TTC7A: variants seen among roughly 807,000 people sequenced by gnomAD.
The protein encoded by TTC7A is tetratricopeptide repeat protein 7A.
TTC7A carries 110 observed loss-of-function variants against 103.7 expected under a neutral mutation model. That is an observed-to-expected ratio of 1.06 (90% CI 0.91 to 1.24). The LOEUF (loss-of-function observed/expected upper bound fraction) is 1.24, where lower values mean the gene tolerates loss of function less well. Among genes scored for constraint, TTC7A ranks in the 50% most tolerant of loss-of-function variants. The pLI, the probability that TTC7A is intolerant of heterozygous loss-of-function variation, is 0.00. For missense variants in TTC7A, 1,340 were observed against 1,116.3 expected, an observed-to-expected ratio of 1.20 and a Z score of -2.86; for synonymous variants, 521 against 467.9, an observed-to-expected ratio of 1.11 and a Z score of -1.47.
chr2:46,936,568 C>T (rs1463891435), upstream of TTC7A, among the ~76,000 whole-genome samples: 1 of 152,164 alleles, frequency 6.6e-6, no homozygotes, highest in Non-Finnish European at 1.5e-5. Flanking sequence ...GCTCACCATT[C>T]GCAGACTCTC....
At chr2:47,026,155 A>G (rs1679892576) in intron 14 of TTC7A, among the ~76,000 whole-genome samples, 1 of 152,156 alleles carries the variant, frequency 6.6e-6, no homozygotes, top group South Asian at 2.1e-4. Flanking sequence ...ATGGACTGTA[A>G]GCTAGAGTCC....
At chr2:47,039,553 A>C (rs1309093402) in intron 15 of TTC7A, among the ~76,000 whole-genome samples, 1 of 151,598 alleles carries the variant, frequency 6.6e-6, no homozygotes, top group South Asian at 2.1e-4. Flanking sequence ...CAAGATAACT[A>C]TTTTTTTTTA....
rs561302471 is a variant in TTC7A, at chr2:47,008,638, C to G, written c.1287+1914C>G. 1.2e-4 allele frequency among the ~76,000 whole-genome samples: 19 copies of G among 152,342 alleles called. 1 individual carries two copies. The South Asian group carries it at 3.7e-3, about 30-fold the overall frequency. On this transcript the variant is annotated intron_variant, in intron 10 of 19. Transcript: ENST00000319190. ...TGTTCTGGAAAGCATTCTCCACCCCCCTTGGGAACCCTGCCCACCAAATCA... is the reference window on the plus strand; with the variant it reads ...TGTTCTGGAAAGCATTCTCCACCCCGCTTGGGAACCCTGCCCACCAAATCA...
Position 46,969,432 on chromosome 2 carries a change from G to A in TTC7A, c.518-5541G>A, listed in dbSNP as rs1024573256. On this transcript the variant is annotated intron_variant, in intron 3 of 19. Coordinates refer to ENST00000319190, the MANE Select transcript of TTC7A (RefSeq NM_020458.4). Reference sequence around the variant, plus strand: ...TGAGGCAGGAGAATGGCGTGAACCCGGGAGGCAGAGCTTGCAGTGAGCCGA... The same window carrying A: ...TGAGGCAGGAGAATGGCGTGAACCCAGGAGGCAGAGCTTGCAGTGAGCCGA... Among the ~76,000 whole-genome samples, 4 of 151,098 alleles carry A rather than the reference G, an allele frequency of 2.6e-5. No homozygotes were observed. In the East Asian group the frequency reaches 6.1e-4, roughly 23 times the overall value.
At chr2:47,029,512 C>G (rs1027414285) in intron 15 of TTC7A, 128 bp downstream of exon 15, 17 of 1,070,796 alleles carry the variant, frequency 1.6e-5, no homozygotes, top group Non-Finnish European at 5.5e-6. Flanking sequence ...CATGCACAAT[C>G]CCTGGTGGAG....
At chr2:47,037,611 C>T (rs1054588353) in intron 15 of TTC7A, among the ~76,000 whole-genome samples, 1 of 152,212 alleles carries the variant, frequency 6.6e-6, no homozygotes, top group Non-Finnish European at 1.5e-5. Context: ...CCCTGGTATA[C>T]TTGAACTCCA....
intron 19 of TTC7A, among the ~76,000 whole-genome samples, chr2:47,069,679 T>C (rs1183833562): frequency 6.6e-6 from 1 of 152,168 alleles, no homozygotes; most frequent in East Asian, 1.9e-4. Flanking sequence ...GTTCCAGGTC[T>C]GGTTGGACAG....
intron 3 of TTC7A, among the ~76,000 whole-genome samples, chr2:46,965,954 CT>C (rs1010857355): frequency 7.2e-4 from 106 of 147,008 alleles, no homozygotes; most frequent in Non-Finnish European, 1.3e-3. Flanking sequence ...TAAGTGCATA[CT>C]TTTTTTTTTC....
At chr2:46,950,238 T>C (rs1671285464) in intron 1 of TTC7A, 125 bp from the exon 2 acceptor site, 1 of 896,088 alleles carries the variant, frequency 1.1e-6, no homozygotes, top group Non-Finnish European at 1.7e-6. Context: ...TGTGCCTTTA[T>C]TTTCTCAGAC....
intron 3 of TTC7A, among the ~76,000 whole-genome samples, chr2:46,971,083 T>C (rs1440151511): frequency 6.6e-6 from 1 of 152,264 alleles, no homozygotes; most frequent in African/African-American, 2.4e-5. Context: ...GCTTGTGTTT[T>C]TTCATCCAGC....
chr2:47,049,035 C>A (rs996642573), intron 16 of TTC7A, among the ~76,000 whole-genome samples: 1 of 152,160 alleles, frequency 6.6e-6, no homozygotes, highest in African/African-American at 2.4e-5. Flanking sequence ...TTCCCAGACC[C>A]GAGTTGAAGC....
chr2:46,994,329 T>A (rs1434525114), intron 6 of TTC7A, 28 bp from the exon 7 acceptor site: 29 of 1,601,196 alleles, frequency 1.8e-5, no homozygotes, highest in Non-Finnish European at 2.5e-5. Flanking sequence ...CAACTGTGCC[T>A]GGGTCCGAGT....
chr2:46,951,762 A>T (rs1400521402), intron 2 of TTC7A: 1 of 426,134 alleles, frequency 2.3e-6, no homozygotes, highest in Admixed American at 2.5e-5. Context: ...TAAACCTTTT[A>T]TTCCAACGTA....
intron 2 of TTC7A, among the ~76,000 whole-genome samples, chr2:46,918,884 G>A (rs745461190): frequency 6.6e-6 from 1 of 152,236 alleles, no homozygotes; most frequent in African/African-American, 2.4e-5. Flanking sequence ...CTAGGTAAGA[G>A]AGGATCTCTT....
In TTC7A at chr2:47,075,334, ATTTT is replaced by A. The variant is rs529762915; in HGVS notation, c.*1416_*1419del. 1.3e-5 allele frequency: 2 copies of A among 152,148 alleles called. No homozygotes were observed. Among genetic ancestry groups the A allele is most frequent in the Non-Finnish European group, 2.9e-5 (2 of 67,986 alleles). 9.4% of individuals were successfully genotyped at this position (152,148 alleles called of 1,614,324 possible). ...ATCTATATATATAAAATAGAGATCT[ATTTT>A]TTTTCTGGAATTCTGTTAGAAAAGT... On this transcript the variant is annotated 3_prime_UTR_variant, in exon 20 of 20. Coordinates refer to ENST00000319190, the MANE Select transcript of TTC7A (RefSeq NM_020458.4).
chr2:47,054,168 T>C, intron 18 of TTC7A: 1 of 985,382 alleles, frequency 1.0e-6, no homozygotes, highest in Non-Finnish European at 1.2e-6. Flanking sequence ...TCAGGCAGTG[T>C]AGTATTAGGA....
In TTC7A at chr2:47,075,334, A is replaced by ATT. The variant is rs529762915; in HGVS notation, c.*1418_*1419dup. 6.6e-6 allele frequency: 1 copy of ATT among 152,030 alleles called. No homozygotes were observed. The highest frequency in any genetic ancestry group is 1.5e-5 in the Non-Finnish European group (1 of 67,994). The allele number at this position is 152,030 out of a possible 1,614,324, so 9.4% of individuals were successfully genotyped here. On this transcript the variant is annotated 3_prime_UTR_variant, in exon 20 of 20. Coordinates refer to ENST00000319190, the MANE Select transcript of TTC7A (RefSeq NM_020458.4). ...ATCTATATATATAAAATAGAGATCT[A>ATT]TTTTTTTTCTGGAATTCTGTTAGAA...
intron 2 of TTC7A, among the ~76,000 whole-genome samples, chr2:46,935,671 TCCAAGACC>T (rs1669942865): frequency 6.6e-6 from 1 of 152,204 alleles, no homozygotes; most frequent in Admixed American, 6.5e-5. Context: ...AACACTGCAG[TCCAAGACC>T]CCTGACTCGG....
intron 15 of TTC7A, among the ~76,000 whole-genome samples, chr2:47,042,701 T>A (rs1681888060): frequency 1.4e-5 from 2 of 147,270 alleles, no homozygotes; most frequent in South Asian, 4.3e-4. Context: ...TGTGTGTGTG[T>A]GTATATATAT....
Sources: allele counts gnomAD v4.1 joint callset (sites outside exome capture counted in the v4.1 genomes callset), GRCh38; gene constraint gnomAD v4.1.1; transcripts MANE v1.5; gene names NCBI Gene and HGNC (gene_info 2026-07-23, HGNC 2026-07-21).